Variants in TBC1D16 observed in about 807,000 individuals in gnomAD.
The protein encoded by TBC1D16 is TBC1 domain family member 16, also known as CTD-2529O21.1.
Under a neutral mutation model 74.7 loss-of-function variants are expected in TBC1D16, and 58 were observed. The observed-to-expected ratio is 0.78, with a 90% confidence interval of 0.63 to 0.97. The LOEUF (loss-of-function observed/expected upper bound fraction) is 0.97. TBC1D16 is among the 50% of genes least tolerant of loss of function. The pLI is 0.00. For synonymous variants in TBC1D16, 493 were observed against 474.7 expected (o/e 1.04, Z -0.50); for missense variants, 1,014 against 1,079.5 (o/e 0.94, Z 0.85).
In TBC1D16 at chr17:79,956,057, G is replaced by C. The variant is rs1045517892; in HGVS notation, c.780-3239C>G. Among the ~76,000 whole-genome samples the C allele has an allele frequency of 1.3e-5, 2 of 152,154 alleles. No homozygotes were observed. The highest frequency in any genetic ancestry group is 2.9e-5 in the Non-Finnish European group (2 of 68,032). ...GTGCAGGCAAGACAGACAGACGAGA[G>C]CTCATGAGAGAGACACGCAACTGGC... On this transcript the variant is annotated intron_variant, in intron 3 of 11. Coordinates refer to ENST00000310924, the MANE Select transcript of TBC1D16 (RefSeq NM_019020.4). The surrounding 1 kb of genome is among the most constrained non-coding windows in gnomAD (Gnocchi z 4.0).
rs758275630 is a variant in TBC1D16, at chr17:79,933,891, T to C, written c.*6968A>G. 8 of 152,184 alleles carry C rather than the reference T, an allele frequency of 5.3e-5. No homozygotes were observed. The highest frequency in any genetic ancestry group is 1.2e-4 in the Non-Finnish European group (8 of 68,046). The allele number at this position is 152,184 out of a possible 1,614,324, so 9.4% of individuals were successfully genotyped here. ...CCTCGTGGGATGAATGCATGAATGA[T>C]GTGGAAGGAGCCAGAACAGGGCTGC... On this transcript the variant is annotated 3_prime_UTR_variant, in exon 12 of 12. Coordinates refer to ENST00000310924, the MANE Select transcript of TBC1D16 (RefSeq NM_019020.4).
At chr17:79,997,820 C>T (rs1004497428) in intron 3 of TBC1D16, among the ~76,000 whole-genome samples, 1 of 152,124 alleles carries the variant, frequency 6.6e-6, no homozygotes, top group Non-Finnish European at 1.5e-5. Context: ...TCATTGCAGC[C>T]TCACACAGAA....
Position 79,940,721 on chromosome 17 carries a change from T to C in TBC1D16, c.*138A>G. 9.8e-7 allele frequency: 1 copy of C among 1,018,258 alleles called. No individual in the cohort carries two copies. 63.1% of individuals were successfully genotyped at this position (1,018,258 alleles called of 1,614,324 possible). On this transcript the variant is annotated 3_prime_UTR_variant, in exon 12 of 12. Transcript: ENST00000310924. This position sits in a 1 kb window ranked among gnomAD's most constrained non-coding sequence, Gnocchi z 5.4. ...TAATTTTGTCATTAATATGAAAAGGTTCCTCTCATGTTGCCCAAAAGCATT... is the reference window on the plus strand; with the variant it reads ...TAATTTTGTCATTAATATGAAAAGGCTCCTCTCATGTTGCCCAAAAGCATT...
Position 79,993,421 on chromosome 17 carries a change from C to G in TBC1D16, c.779+16739G>C, listed in dbSNP as rs1170815613. On this transcript the variant is annotated intron_variant, in intron 3 of 11. Coordinates refer to ENST00000310924, the MANE Select transcript of TBC1D16 (RefSeq NM_019020.4). The surrounding 1 kb of genome is among the most constrained non-coding windows in gnomAD (Gnocchi z 5.1). The stretch of plus-strand genomic sequence containing the variant: ...AGGAGGCACTTAGGTGGACGGGCAC[C>G]AGGAGCCCTGTGTCCTCTGCCTTGC... 1.3e-5 allele frequency among the ~76,000 whole-genome samples: 2 copies of G among 152,180 alleles called. No homozygotes were observed. The highest frequency in any genetic ancestry group is 2.4e-5 in the African/African-American group (1 of 41,446).
At position 80,015,111 on chromosome 17, in the gene TBC1D16, C is replaced by T. The variant is rs1027219142; in HGVS notation, c.-62-1502G>A. 9.9e-5 allele frequency among the ~76,000 whole-genome samples: 15 copies of T among 152,270 alleles called. No homozygotes were observed. The East Asian group carries it at 1.2e-3, about 12-fold the overall frequency. ...GCTCACAAACACACACACCAAGCCA[C>T]GCCAAGGAACGACCGTGTCAGTGAA... On this transcript the variant is annotated intron_variant, in intron 1 of 11. Coordinates refer to ENST00000310924, the MANE Select transcript of TBC1D16 (RefSeq NM_019020.4).
chr17:79,982,145 T>C (rs954112472), intron 3 of TBC1D16, among the ~76,000 whole-genome samples: 9 of 151,450 alleles, frequency 5.9e-5, no homozygotes, highest in African/African-American at 1.9e-4. Flanking sequence ...TGTGTGGTTT[T>C]TTTTTCTTTT....
chr17:79,994,900 G>A lies in TBC1D16; in HGVS notation c.779+15260C>T, dbSNP rs1481603409. ...TGTAAAACACTTCCCATCGGCGGCC[G>A]TGTATACTGATCCCACATTGGAATG... On this transcript the variant is annotated intron_variant, in intron 3 of 11. Transcript: ENST00000310924. This position sits in a 1 kb window ranked among gnomAD's most constrained non-coding sequence, Gnocchi z 4.6. 1.3e-5 allele frequency among the ~76,000 whole-genome samples: 2 copies of A among 152,228 alleles called. No individual in the cohort carries two copies. Among genetic ancestry groups the A allele is most frequent in the African/African-American group, 2.4e-5 (1 of 41,454 alleles).
chr17:80,000,967 C>A lies in TBC1D16; in HGVS notation c.779+9193G>T, dbSNP rs986877343. Among the ~76,000 whole-genome samples the A allele has an allele frequency of 2.0e-5, 3 of 152,350 alleles. No individual in the cohort carries two copies. Among genetic ancestry groups the A allele is most frequent in the Admixed American group, 2.0e-4 (3 of 15,306 alleles). ...CACAGTTGCACACCAGAGGGCTGGG[C>A]ACGGTGGCATCCCAGTCGAATTCTT... On this transcript the variant is annotated intron_variant, in intron 3 of 11. Transcript: ENST00000310924. This position sits in a 1 kb window ranked among gnomAD's most constrained non-coding sequence, Gnocchi z 4.1.
chr17:80,025,003 CATAG>C (rs1371143984), intron 1 of TBC1D16, among the ~76,000 whole-genome samples: 19 of 36,370 alleles, frequency 5.2e-4, no homozygotes, highest in South Asian at 7.9e-4. Context: ...ACACACACAC[CATAG>C]ACACACACAC....
intron 3 of TBC1D16, among the ~76,000 whole-genome samples, chr17:79,964,758 A>G (rs1280936744): frequency 2.6e-5 from 4 of 152,226 alleles, no homozygotes; most frequent in African/African-American, 9.6e-5. Context: ...TGGCACATTC[A>G]TATGATACAA....
chr17:79,991,698 GGGGGTGGGGCGGGGC>G (rs896446491), intron 3 of TBC1D16, among the ~76,000 whole-genome samples: 8 of 150,638 alleles, frequency 5.3e-5, no homozygotes, highest in Non-Finnish European at 7.4e-5. Flanking sequence ...ACAGGCAGGT[GGGGGTGGGGCGGGGC>G]GGGGCGGGGA....
In TBC1D16 at chr17:79,980,374, C is replaced by T. The variant is rs141937343; in HGVS notation, c.780-27556G>A. Among the ~76,000 whole-genome samples the T allele has an allele frequency of 3.3e-4, 51 of 152,248 alleles. No homozygotes were observed. Among genetic ancestry groups the T allele is most frequent in the African/African-American group, 1.2e-3 (48 of 41,528 alleles). On this transcript the variant is annotated intron_variant, in intron 3 of 11. Transcript: ENST00000310924. This position sits in a 1 kb window ranked among gnomAD's most constrained non-coding sequence, Gnocchi z 7.0. ...GGTCAGCAAATTCCGCCTAACAAGC[C>T]GGAGCTTTCCTTCCTTCCCGGAGGA...
At chr17:80,033,955 G>A (rs1268100015) in intron 1 of TBC1D16, among the ~76,000 whole-genome samples, 1 of 152,218 alleles carries the variant, frequency 6.6e-6, no homozygotes, top group East Asian at 1.9e-4. Context: ...TTGTACAACG[G>A]TTTTCTGGAG....
intron 3 of TBC1D16, among the ~76,000 whole-genome samples, chr17:79,997,134 G>A (rs184048127): frequency 6.6e-6 from 1 of 152,292 alleles, no homozygotes; most frequent in African/African-American, 2.4e-5. Flanking sequence ...GTGGGGGAGT[G>A]GTTCTGCGTC....
Position 79,944,158 on chromosome 17 carries a change from A to G in TBC1D16, c.1908+750T>C. ...CGCTGACGCAAATGTCTTCCAGCAG[A>G]TGGGTGTTTGCCTCCATCTTCAGGG... is the stretch of plus-strand genomic sequence containing the variant. On this transcript the variant is annotated intron_variant, in intron 10 of 11. Coordinates refer to ENST00000310924, the MANE Select transcript of TBC1D16 (RefSeq NM_019020.4). This position sits in a 1 kb window ranked among gnomAD's most constrained non-coding sequence, Gnocchi z 7.7. 1.3e-6 allele frequency: 2 copies of G among 1,535,378 alleles called. No individual in the cohort carries two copies. The highest frequency in any genetic ancestry group is 1.7e-6 in the Non-Finnish European group (2 of 1,146,394).
At chr17:79,959,859 T>C (rs1171628325) in intron 3 of TBC1D16, among the ~76,000 whole-genome samples, 3 of 151,862 alleles carry the variant, frequency 2.0e-5, no homozygotes, top group African/African-American at 4.8e-5. Context: ...AAATAATAAA[T>C]TGGAAAATTA....
At chr17:79,989,597 T>C (rs2034985237) in intron 3 of TBC1D16, among the ~76,000 whole-genome samples, 2 of 152,272 alleles carry the variant, frequency 1.3e-5, no homozygotes, top group South Asian at 4.1e-4. Flanking sequence ...GGAATTGTTC[T>C]AGATACTGCT....
At chr17:79,945,227 G>T in intron 9 of TBC1D16, 140 bp from the exon 10 acceptor site, 1 of 884,898 alleles carries the variant, frequency 1.1e-6, no homozygotes, top group Non-Finnish European at 1.7e-6. Context: ...TGCTGCATGT[G>T]CCTGCCCCCC....
intron 2 of TBC1D16, among the ~76,000 whole-genome samples, chr17:80,012,870 G>C (rs2144685398): frequency 6.6e-6 from 1 of 152,206 alleles, no homozygotes; most frequent in African/African-American, 2.4e-5. Context: ...ACGGCAACAG[G>C]AAGAAATGAG....
Sources: allele counts gnomAD v4.1 joint callset (sites outside exome capture counted in the v4.1 genomes callset), GRCh38; gene constraint gnomAD v4.1.1; non-coding constraint Gnocchi (gnomAD v3.1); transcripts MANE v1.5; gene names NCBI Gene and HGNC (gene_info 2026-07-23, HGNC 2026-07-21).